EEF2K: variants seen among roughly 807,000 people sequenced by gnomAD.
EEF2K encodes alternative protein EEF2K.
Under a neutral mutation model 93.8 loss-of-function variants are expected in EEF2K, and 70 were observed. The observed-to-expected ratio is 0.75, with a 90% CI of 0.62 to 0.91. The LOEUF (loss-of-function observed/expected upper bound fraction) is 0.91. Among genes scored for constraint, EEF2K ranks in the 40% least tolerant of loss-of-function variants. EEF2K has a pLI of 0.00. For missense variants in EEF2K, 935 were observed against 972.9 expected (o/e 0.96, Z 0.52); for synonymous variants, 376 against 380.8 (o/e 0.99, Z 0.15).
At chr16:22,240,958 C>T (rs1212646314) in intron 2 of EEF2K, among the ~76,000 whole-genome samples, 2 of 151,682 alleles carry the variant, frequency 1.3e-5, no homozygotes, top group Non-Finnish European at 2.9e-5. Flanking sequence ...TTAGTAGTGA[C>T]AGGGTTTTAC....
chr16:22,232,762 A>G (rs1315681909), intron 2 of EEF2K, among the ~76,000 whole-genome samples: 3 of 152,118 alleles, frequency 2.0e-5, no homozygotes, highest in African/African-American at 7.2e-5. Context: ...TTCATTGCTT[A>G]CTTTCTAGGT....
intron 1 of EEF2K, among the ~76,000 whole-genome samples, chr16:22,207,628 C>T (rs1257585911): frequency 6.6e-6 from 1 of 152,066 alleles, no homozygotes; most frequent in African/African-American, 2.4e-5. Context: ...GGCCAAGAGC[C>T]CTGTGGTTGA....
At chr16:22,258,391 G>A in intron 9 of EEF2K, 103 bp from the exon 10 acceptor site, 2 of 1,196,150 alleles carry the variant, frequency 1.7e-6, no homozygotes, top group Non-Finnish European at 2.4e-6. Flanking sequence ...ATGTTTAGGA[G>A]CTGTGGATGA....
intron 2 of EEF2K, among the ~76,000 whole-genome samples, chr16:22,237,004 GTGCAATCTCAGCTCAT>G (rs1207100942): frequency 1.5e-5 from 2 of 130,772 alleles, no homozygotes; most frequent in Non-Finnish European, 3.1e-5. Flanking sequence ...TAGTGCAGTG[GTGCAATCTCAGCTCAT>G]TGCAACCTCC....
chr16:22,226,111 C>T, intron 2 of EEF2K, 136 bp downstream of exon 2: 4 of 1,304,462 alleles, frequency 3.1e-6, no homozygotes, highest in Non-Finnish European at 4.2e-6. Context: ...TGAGGATATA[C>T]TTGTTAAGCA....
In EEF2K at chr16:22,281,204, C is replaced by A. The variant is rs553922897; in HGVS notation, c.2068+828C>A. Among the ~76,000 whole-genome samples the A allele has an allele frequency of 5.1e-4, 77 of 152,184 alleles. 1 individual carries two copies. The highest frequency in any genetic ancestry group is 1.5e-4 in the Non-Finnish European group (10 of 67,990). ...AGCCTCCCAAAGTGCTGGGATTATA[C>A]GTGTGAGCCACCATGCCTGGCCTCC... On this transcript the variant is annotated intron_variant, in intron 17 of 17. Coordinates refer to ENST00000263026, the MANE Select transcript of EEF2K (RefSeq NM_013302.5).
intron 1 of EEF2K, among the ~76,000 whole-genome samples, chr16:22,213,229 A>G (rs535433223): frequency 6.6e-6 from 1 of 152,264 alleles, no homozygotes; most frequent in Admixed American, 6.5e-5. Context: ...GCAGTGAGCC[A>G]AGATGTAGTT....
intron 11 of EEF2K, 103 bp from the exon 12 acceptor site, chr16:22,263,006 TG>T: frequency 9.6e-7 from 1 of 1,039,308 alleles, no homozygotes. Flanking sequence ...TGTTAGGTAA[TG>T]GGACAGAGGG....
chr16:22,234,834 T>G (rs2047150923), intron 2 of EEF2K, among the ~76,000 whole-genome samples: 1 of 151,426 alleles, frequency 6.6e-6, no homozygotes, highest in Non-Finnish European at 1.5e-5. Context: ...ACATGTGGCC[T>G]TTTATGTCTG....
chr16:22,256,415 A>G (rs1450419086), intron 6 of EEF2K, among the ~76,000 whole-genome samples: 1 of 151,374 alleles, frequency 6.6e-6, no homozygotes, highest in African/African-American at 2.4e-5. Context: ...TTGTATTTTT[A>G]GTAGAGGCAG....
chr16:22,226,689 A>T (rs2047068279), intron 2 of EEF2K, among the ~76,000 whole-genome samples: 1 of 151,874 alleles, frequency 6.6e-6, no homozygotes. Flanking sequence ...CTCATTAAAA[A>T]AATTTTTTTT....
At chr16:22,239,119 C>A (rs2047196690) in intron 2 of EEF2K, among the ~76,000 whole-genome samples, 1 of 151,044 alleles carries the variant, frequency 6.6e-6, no homozygotes, top group Non-Finnish European at 1.5e-5. Flanking sequence ...TTGCATTAAT[C>A]CCACCTGTTG....
intron 1 of EEF2K, among the ~76,000 whole-genome samples, chr16:22,219,866 C>G (rs752561041): frequency 6.6e-6 from 1 of 152,172 alleles, no homozygotes; most frequent in Admixed American, 6.6e-5. Flanking sequence ...CAGGGCCATC[C>G]GCCTCATGGT....
At chr16:22,282,597 A>G (rs2047705321) in intron 17 of EEF2K, among the ~76,000 whole-genome samples, 1 of 152,192 alleles carries the variant, frequency 6.6e-6, no homozygotes, top group African/African-American at 2.4e-5. Flanking sequence ...GCTTTGTTAT[A>G]AAAGCAAATT....
intron 2 of EEF2K, among the ~76,000 whole-genome samples, chr16:22,235,318 A>T (rs908710981): frequency 6.6e-6 from 1 of 151,736 alleles, no homozygotes; most frequent in African/African-American, 2.4e-5. Flanking sequence ...TTTTGTTGCT[A>T]CTGTAGAATC....
rs1409160687 is a variant in EEF2K at position 22,226,048 on chromosome 16, G to A, written c.246+73G>A. On this transcript the variant is annotated intron_variant, in intron 2 of 17. Transcript: ENST00000263026. ...AAGGGATGGAGGGTTGGAGTCGCTG[G>A]TTGGGGACTTCTTCGTATTTCCAAA... 1.3e-5 allele frequency: 21 copies of A among 1,572,130 alleles called. No homozygotes were observed. In the Admixed American group the frequency reaches 3.5e-4, roughly 26 times the overall value.
rs757391871 is a variant in EEF2K at position 22,244,748 on chromosome 16, G to T, written c.347+18G>T. ...CGACACAGGTCAGCAGCTTGTGTGGGGTCTCGAGGAGTCCTGGGGGCTATA... is the reference window on the plus strand; with the variant it reads ...CGACACAGGTCAGCAGCTTGTGTGGTGTCTCGAGGAGTCCTGGGGGCTATA... On this transcript the variant is annotated intron_variant, in intron 3 of 17. Transcript: ENST00000263026. The T allele has an allele frequency of 1.2e-6, 2 of 1,613,050 alleles. No individual in the cohort carries two copies. The highest frequency in any genetic ancestry group is 1.3e-5 in the African/African-American group (1 of 74,988).
chr16:22,259,968 G>A (rs2047446274), intron 10 of EEF2K, among the ~76,000 whole-genome samples: 1 of 152,068 alleles, frequency 6.6e-6, no homozygotes, highest in East Asian at 1.9e-4. Context: ...GGCCAGATTG[G>A]TCTTGAACTC....
rs2047678674 is a variant in EEF2K, at chr16:22,280,204, A to G, written c.1896A>G (p.Gln632=). ...SGQNLSPDRC[Q]DWLEALHWYN... is the part of the protein sequence containing the mutation. Reference sequence around the variant, plus strand: ...CTCTGTATCTCCTGGCAAGGTGCCAAGACTGGCTAGAGGCCCTGCACTGGT... The same window carrying G: ...CTCTGTATCTCCTGGCAAGGTGCCAGGACTGGCTAGAGGCCCTGCACTGGT... The change falls in exon 17 of 18, where the codon CAA becomes CAG. Residue 632 remains glutamine, a synonymous_variant. Coordinates refer to ENST00000263026, the MANE Select transcript of EEF2K (RefSeq NM_013302.5). The G allele has an allele frequency of 6.6e-6, 10 of 1,504,874 alleles. No individual in the cohort carries two copies. The highest frequency in any genetic ancestry group is 8.9e-6 in the Non-Finnish European group (10 of 1,122,734). 93.2% of individuals were successfully genotyped at this position (1,504,874 alleles called of 1,614,324 possible).
Sources: gnomAD v4.1 joint callset for allele counts (sites outside exome capture counted in the v4.1 genomes callset) on GRCh38, gnomAD v4.1.1 for gene constraint, MANE v1.5 for transcripts, NCBI Gene and HGNC (gene_info 2026-07-23, HGNC 2026-07-21) for gene names.